DAPK1: variants seen among roughly 807,000 people sequenced by gnomAD.
The protein encoded by DAPK1 is death-associated protein kinase 1.
In DAPK1, 56 loss-of-function variants were observed where a neutral mutation model predicts 144.9. The observed-to-expected ratio is 0.39, with a 90% CI of 0.31 to 0.48. The LOEUF is 0.48. DAPK1 is among the 20% of genes least tolerant of loss of function. DAPK1 has a pLI of 0.95. For synonymous variants in DAPK1, 690 were observed against 749.0 expected, an observed-to-expected ratio of 0.92 and a Z score of 1.29; for missense variants, 1,454 against 1,875.4, an observed-to-expected ratio of 0.78 and a Z score of 4.15.
At chr9:87,672,527 T>C (rs550722747) in intron 19 of DAPK1, among the ~76,000 whole-genome samples, 57 of 152,280 alleles carry the variant, frequency 3.7e-4, no homozygotes, top group African/African-American at 1.3e-3. Flanking sequence ...TGCTTTGTAG[T>C]GCACAGGGAT....
intron 2 of DAPK1, among the ~76,000 whole-genome samples, chr9:87,574,272 T>A (rs1221520865): frequency 6.6e-6 from 1 of 152,244 alleles, no homozygotes; most frequent in Admixed American, 6.5e-5. Flanking sequence ...GTAGTCTTTA[T>A]ACCAAATGCC....
intron 1 of DAPK1, chr9:87,498,678 C>A (rs1028234252): frequency 2.1e-5 from 8 of 389,048 alleles, no homozygotes; most frequent in African/African-American, 1.4e-4. Flanking sequence ...AAAGGGGAGG[C>A]GGGGAGGCCA....
chr9:87,642,504 G>T (rs1323450465), intron 10 of DAPK1, among the ~76,000 whole-genome samples: 1 of 152,096 alleles, frequency 6.6e-6, no homozygotes, highest in Non-Finnish European at 1.5e-5. Flanking sequence ...GCATTTGCAG[G>T]GTGGCCTGTT....
At chr9:87,541,877 A>G (rs965599871) in intron 2 of DAPK1, among the ~76,000 whole-genome samples, 1 of 152,138 alleles carries the variant, frequency 6.6e-6, no homozygotes, top group East Asian at 1.9e-4. Context: ...GGCCATGCCT[A>G]TTTATGTTTT....
At chr9:87,699,421 A>G (rs1307705667) in intron 23 of DAPK1, among the ~76,000 whole-genome samples, 1 of 152,206 alleles carries the variant, frequency 6.6e-6, no homozygotes, top group Non-Finnish European at 1.5e-5. Flanking sequence ...TTCTTTTTAA[A>G]ATGGGATGGA....
In DAPK1 at chr9:87,518,113, T is replaced by G. The variant is rs1337146677; in HGVS notation, c.62+18974T>G. 6.3e-4 allele frequency among the ~76,000 whole-genome samples: 89 copies of G among 142,160 alleles called. 2 individuals are homozygous for G. Among genetic ancestry groups the G allele is most frequent in the African/African-American group, 2.4e-3 (87 of 36,788 alleles). The allele number at this position is 142,160 out of a possible 152,430, so 93.3% of individuals were successfully genotyped here. On this transcript the variant is annotated intron_variant, in intron 2 of 25. Coordinates refer to ENST00000408954, the MANE Select transcript of DAPK1 (RefSeq NM_004938.4). ...TTGCCGTTTATGTTGTTGTTTTTTT[T>G]TTTTTTTTTTTTTTCTGAGATGGAG...
At chr9:87,667,992 A>G (rs1831117203) in intron 18 of DAPK1, 1 of 152,782 alleles carries the variant, frequency 6.5e-6, no homozygotes, top group Non-Finnish European at 1.5e-5. Flanking sequence ...AAACAAATTT[A>G]TTCAGTGTGA....
At chr9:87,673,072 G>A (rs866642890) in intron 19 of DAPK1, among the ~76,000 whole-genome samples, 2 of 152,210 alleles carry the variant, frequency 1.3e-5, no homozygotes, top group African/African-American at 4.8e-5. Context: ...GCTGTTGGCA[G>A]TTTGGGTGAC....
At chr9:87,533,374 G>T (rs1825756303) in intron 2 of DAPK1, among the ~76,000 whole-genome samples, 1 of 152,196 alleles carries the variant, frequency 6.6e-6, no homozygotes, top group South Asian at 2.1e-4. Flanking sequence ...TGTTCTCTCA[G>T]ACCGCATCCA....
At chr9:87,498,890 G>C (rs935802172) in intron 1 of DAPK1, 80 bp from the exon 2 acceptor site, 13 of 533,386 alleles carry the variant, frequency 2.4e-5, no homozygotes, top group Non-Finnish European at 6.9e-6. Flanking sequence ...CAGCGAGCGG[G>C]GTCTTAGCGC....
intron 21 of DAPK1, among the ~76,000 whole-genome samples, chr9:87,693,066 G>A (rs1383746977): frequency 7.5e-6 from 1 of 132,718 alleles, no homozygotes; most frequent in South Asian, 2.6e-4. Context: ...ACCTTTTTTC[G>A]ATTGTATCTG....
At chr9:87,512,059 T>C (rs1824869579) in intron 2 of DAPK1, among the ~76,000 whole-genome samples, 1 of 152,134 alleles carries the variant, frequency 6.6e-6, no homozygotes, top group Admixed American at 6.6e-5. Flanking sequence ...CATCTTTTAT[T>C]TATTTGTTTG....
At chr9:87,652,817 T>A (rs1189960616) in intron 17 of DAPK1, among the ~76,000 whole-genome samples, 2 of 150,310 alleles carry the variant, frequency 1.3e-5, no homozygotes, top group African/African-American at 4.9e-5. Context: ...GTCCTGATTC[T>A]GTGTCCATCC....
intron 19 of DAPK1, among the ~76,000 whole-genome samples, chr9:87,670,808 C>G (rs543415759): frequency 6.6e-6 from 1 of 152,276 alleles, no homozygotes; most frequent in East Asian, 1.9e-4. Context: ...CATTGTGAGG[C>G]GGACACTCAG....
At chr9:87,545,873 A>G (rs1252760186) in intron 2 of DAPK1, among the ~76,000 whole-genome samples, 1 of 152,192 alleles carries the variant, frequency 6.6e-6, no homozygotes, top group Non-Finnish European at 1.5e-5. Flanking sequence ...AAAGGGGTTC[A>G]TCTGATTGTC....
At chr9:87,540,201 T>C (rs1358186667) in intron 2 of DAPK1, among the ~76,000 whole-genome samples, 1 of 142,636 alleles carries the variant, frequency 7.0e-6, no homozygotes, top group Non-Finnish European at 1.5e-5. Flanking sequence ...TTTTTTTTTT[T>C]TTTTTTGAGA....
chr9:87,499,066 T>G lies in DAPK1; in HGVS notation c.-12T>G. The G allele has an allele frequency of 6.2e-7, 1 of 1,613,766 alleles. No individual in the cohort carries two copies. Among genetic ancestry groups the G allele is most frequent in the Non-Finnish European group, 8.5e-7 (1 of 1,179,814 alleles). ...AAGTGCCCTGGGCTTTGGTGAGGCG[T>G]GACAGTTTATCATGACCGTGTTCAG... On this transcript the variant is annotated 5_prime_UTR_variant, in exon 2 of 26. Transcript: ENST00000408954.
intron 2 of DAPK1, chr9:87,499,350 A>G (rs982683139): frequency 5.2e-5 from 30 of 575,690 alleles, no homozygotes; most frequent in Non-Finnish European, 8.4e-5. Flanking sequence ...TCAGGGCTAG[A>G]TTATGATGCA....
intron 2 of DAPK1, among the ~76,000 whole-genome samples, chr9:87,587,133 A>G (rs1163720124): frequency 6.6e-6 from 1 of 152,206 alleles, no homozygotes; most frequent in Non-Finnish European, 1.5e-5. Context: ...TAGTTCATCA[A>G]AGTTGGGCAG....
Sources: gnomAD v4.1 joint callset for allele counts (sites outside exome capture counted in the v4.1 genomes callset) on GRCh38, gnomAD v4.1.1 for gene constraint, MANE v1.5 for transcripts, NCBI Gene and HGNC (gene_info 2026-07-23, HGNC 2026-07-21) for gene names.